Variants in RMDN2 observed in about 807,000 individuals in gnomAD.
RMDN2 encodes the protein regulator of microtubule dynamics protein 2.
Under a neutral mutation model 52.8 loss-of-function variants are expected in RMDN2, and 61 were observed. The ratio of observed to expected loss-of-function variants is 1.16; its 90% CI spans 0.94 to 1.43. The LOEUF (loss-of-function observed/expected upper bound fraction) is 1.43, where lower values mean the gene tolerates loss of function less well. RMDN2 is among the 40% of genes most tolerant of loss of function. The pLI, the probability that RMDN2 is intolerant of heterozygous loss-of-function variation, is 0.00. For missense variants in RMDN2, 592 were observed against 475.3 expected (o/e 1.25, Z -2.28); for synonymous variants, 180 against 153.1 (o/e 1.18, Z -1.30).
intron 2 of RMDN2, among the ~76,000 whole-genome samples, chr2:37,964,689 G>A (rs1029831459): frequency 1.3e-5 from 2 of 152,090 alleles, no homozygotes; most frequent in East Asian, 3.9e-4. Flanking sequence ...TGTGTTGTTA[G>A]GACCTACAGG....
rs542253810 is a variant in RMDN2, at chr2:38,066,669, C to T, written c.1714-313C>T. On this transcript the variant is annotated intron_variant, in intron 10 of 10. Transcript: ENST00000234195. The stretch of plus-strand genomic sequence containing the variant: ...TATGTCCAAAGCTGCATTCATTTCC[C>T]ACCCTGTACTCCGGTCTTATACTCT... Among the ~76,000 whole-genome samples the T allele has an allele frequency of 2.6e-5, 4 of 152,360 alleles. No homozygotes were observed. The East Asian group carries it at 7.7e-4, about 29-fold the overall frequency.
intron 4 of RMDN2, 128 bp downstream of exon 4, chr2:37,975,442 C>G (rs986920184): frequency 3.7e-6 from 2 of 546,524 alleles, no homozygotes; most frequent in Non-Finnish European, 6.6e-6. Context: ...TCATTCTCAG[C>G]AAACTAACAC....
At chr2:37,939,638 T>A (rs539636843) in intron 2 of RMDN2, among the ~76,000 whole-genome samples, 1 of 152,222 alleles carries the variant, frequency 6.6e-6, no homozygotes, top group Non-Finnish European at 1.5e-5. Flanking sequence ...CCCTTTACCA[T>A]TATGTAATGC....
At position 37,951,867 on chromosome 2, in the gene RMDN2, C is replaced by T. The variant is rs773607549; in HGVS notation, c.452+22138C>T. The T allele has an allele frequency of 1.1e-5, 18 of 1,613,430 alleles. No individual in the cohort carries two copies. The South Asian group carries it at 1.6e-4, about 15-fold the overall frequency. On this transcript the variant is annotated intron_variant, in intron 2 of 10. Transcript: ENST00000354545. ...ACAAAGCACATCATCCTTCTTTTCT[C>T]TTGCAAGTGATATTTCCTCTCCCGA...
downstream of RMDN2, among the ~76,000 whole-genome samples, chr2:38,022,113 C>T (rs915313538): frequency 6.6e-6 from 1 of 152,126 alleles, no homozygotes; most frequent in African/African-American, 2.4e-5. Context: ...ACTCCTTAAT[C>T]TAGTCTTAGT....
intron 10 of RMDN2, among the ~76,000 whole-genome samples, chr2:38,066,650 C>G (rs944871001): frequency 6.6e-6 from 1 of 152,154 alleles, no homozygotes; most frequent in Admixed American, 6.5e-5. Flanking sequence ...TACTTATGTC[C>G]AAAGCTGCAT....
chr2:37,971,144 A>G (rs372303822), intron 2 of RMDN2, among the ~76,000 whole-genome samples: 30 of 152,060 alleles, frequency 2.0e-4, no homozygotes, highest in East Asian at 1.2e-3. Flanking sequence ...AAGATCACAA[A>G]TATTTGCTCC....
intron 1 of RMDN2, 125 bp downstream of exon 1, chr2:37,925,550 G>A (rs928696485): frequency 7.2e-5 from 11 of 152,334 alleles, no homozygotes; most frequent in African/African-American, 2.7e-4. Flanking sequence ...TGTGTCCCTG[G>A]CGAAGCTTGA....
At chr2:37,945,737 A>G (rs1668167130) in intron 2 of RMDN2, among the ~76,000 whole-genome samples, 1 of 152,178 alleles carries the variant, frequency 6.6e-6, no homozygotes, top group Non-Finnish European at 1.5e-5. Flanking sequence ...TAATATACAC[A>G]TTAACTCTGA....
intron 5 of RMDN2, among the ~76,000 whole-genome samples, chr2:37,988,597 T>C (rs1372154992): frequency 6.6e-6 from 1 of 150,826 alleles, no homozygotes; most frequent in Non-Finnish European, 1.5e-5. Flanking sequence ...TTTTTGTACT[T>C]GGAAGTTATG....
intron 1 of RMDN2, among the ~76,000 whole-genome samples, chr2:37,927,936 G>A (rs1458389764): frequency 4.0e-5 from 6 of 151,898 alleles, no homozygotes; most frequent in African/African-American, 1.5e-4. Context: ...GATGGTTATA[G>A]TTCCCAGTTA....
At chr2:38,052,257 C>A (rs1050786183) in intron 10 of RMDN2, among the ~76,000 whole-genome samples, 1 of 152,172 alleles carries the variant, frequency 6.6e-6, no homozygotes, top group Non-Finnish European at 1.5e-5. Context: ...TAATAATTTG[C>A]ATTTCTCTGA....
chr2:37,963,972 G>A (rs1326958186), intron 2 of RMDN2, among the ~76,000 whole-genome samples: 8 of 151,316 alleles, frequency 5.3e-5, no homozygotes, highest in African/African-American at 4.9e-5. Flanking sequence ...CGGACAGGGC[G>A]GCTGGCCGGG....
intron 2 of RMDN2, among the ~76,000 whole-genome samples, chr2:37,963,465 C>G (rs1172098260): frequency 6.6e-6 from 1 of 151,940 alleles, no homozygotes; most frequent in Non-Finnish European, 1.5e-5. Flanking sequence ...GACCCTGCAG[C>G]CTTCCGCAGT....
intron 10 of RMDN2, among the ~76,000 whole-genome samples, chr2:38,043,361 T>C (rs74263068): frequency 1.3e-5 from 2 of 152,178 alleles, no homozygotes; most frequent in African/African-American, 4.8e-5. Context: ...TCTCCATCCC[T>C]TTACTTTTAA....
chr2:37,921,620 C>T (rs1666033747), upstream of RMDN2, among the ~76,000 whole-genome samples: 2 of 152,164 alleles, frequency 1.3e-5, no homozygotes, highest in African/African-American at 4.8e-5. Flanking sequence ...TGTAATATCA[C>T]ATTAGAAGGG....
At chr2:38,042,424 CCACACA>C (rs1553388802) in intron 10 of RMDN2, among the ~76,000 whole-genome samples, 56 of 100,836 alleles carry the variant, frequency 5.6e-4, no homozygotes, top group African/African-American at 1.5e-3. Flanking sequence ...CACACACACA[CCACACA>C]CACACACACA....
chr2:38,033,685 T>C (rs17490442), intron 10 of RMDN2, among the ~76,000 whole-genome samples: 19,294 of 152,260 alleles, frequency 0.13, 1,590 homozygotes, highest in Non-Finnish European at 0.18. Flanking sequence ...CTTTTAAAGT[T>C]GAATTGAATT....
At chr2:38,064,774 C>T (rs1033843377) in intron 10 of RMDN2, among the ~76,000 whole-genome samples, 1 of 136,018 alleles carries the variant, frequency 7.4e-6, no homozygotes, top group Non-Finnish European at 1.6e-5. Flanking sequence ...TCTTTTTCCT[C>T]GTTAAAAAAA....
Sources: gnomAD v4.1 joint callset for allele counts (sites outside exome capture counted in the v4.1 genomes callset) on GRCh38, gnomAD v4.1.1 for gene constraint, MANE v1.5 for transcripts, NCBI Gene and HGNC (gene_info 2026-07-23, HGNC 2026-07-21) for gene names.